Variants in OPN5 observed in about 807,000 individuals in gnomAD.
OPN5 encodes opsin-5.
A neutral mutation model predicts 41.7 loss-of-function variants in OPN5; 18 were observed. That is an observed-to-expected ratio of 0.43 (90% CI 0.30 to 0.64). The LOEUF (loss-of-function observed/expected upper bound fraction) is 0.64. Among genes scored for constraint, OPN5 ranks in the 30% least tolerant of loss-of-function variants. OPN5 has a pLI of 0.13. For synonymous variants in OPN5, 178 were observed against 164.3 expected, an observed-to-expected ratio of 1.08 and a Z score of -0.64; for missense variants, 318 against 434.5, an observed-to-expected ratio of 0.73 and a Z score of 2.38.
At chr6:47,794,211 A>G (rs1042338517) in intron 3 of OPN5, among the ~76,000 whole-genome samples, 1 of 152,240 alleles carries the variant, frequency 6.6e-6, no homozygotes, top group Non-Finnish European at 1.5e-5. Flanking sequence ...CCGACTTTCC[A>G]AACCTCACAT....
At chr6:47,825,671 T>C (rs990131444), downstream of OPN5, 3 of 152,246 alleles carry the variant, frequency 2.0e-5, no homozygotes, top group Non-Finnish European at 2.9e-5. Flanking sequence ...TGGTTGATTT[T>C]GACTGTAGTA....
downstream of OPN5, chr6:47,825,677 T>G (rs1312597507): frequency 6.6e-6 from 1 of 152,218 alleles, no homozygotes; most frequent in Non-Finnish European, 1.5e-5. Flanking sequence ...ATTTTGACTG[T>G]AGTAGCACAT....
chr6:47,812,982 G>A (rs1048685971), intron 6 of OPN5, among the ~76,000 whole-genome samples: 1 of 152,058 alleles, frequency 6.6e-6, no homozygotes, highest in African/African-American at 2.4e-5. Flanking sequence ...TTGTCAGTCA[G>A]GGGTGTGGGA....
Position 47,793,496 on chromosome 6 carries a change from C to T in OPN5, c.421+1524C>T, listed in dbSNP as rs563207152. Among the ~76,000 whole-genome samples, 85 of 152,290 alleles carry T rather than the reference C, an allele frequency of 5.6e-4. 1 individual carries two copies. The South Asian group carries it at 0.017, about 30-fold the overall frequency. The stretch of plus-strand genomic sequence containing the variant: ...ATGTGTAGACTTTTCTCCCATGTAA[C>T]GTGGTAAACTGTTTTAAGGCATCCC... On this transcript the variant is annotated intron_variant, in intron 3 of 6. Transcript: ENST00000371211.
intron 6 of OPN5, among the ~76,000 whole-genome samples, chr6:47,814,192 G>C (rs1479680937): frequency 2.6e-5 from 4 of 151,836 alleles, no homozygotes; most frequent in Non-Finnish European, 4.4e-5. Flanking sequence ...TCTTTTGTGT[G>C]GGGGGATGAT....
At chr6:47,804,786 A>G (rs1174419662) in intron 4 of OPN5, among the ~76,000 whole-genome samples, 4 of 152,192 alleles carry the variant, frequency 2.6e-5, no homozygotes. Flanking sequence ...ACAGTGATTC[A>G]TTTGCTATGT....
At chr6:47,784,455 C>T (rs1773151856) in intron 1 of OPN5, among the ~76,000 whole-genome samples, 1 of 152,148 alleles carries the variant, frequency 6.6e-6, no homozygotes, top group Non-Finnish European at 1.5e-5. Flanking sequence ...CACCACCATG[C>T]TTGGCTAATT....
At chr6:47,810,647 G>A in intron 5 of OPN5, among the ~76,000 whole-genome samples, 1 of 152,164 alleles carries the variant, frequency 6.6e-6, no homozygotes, top group East Asian at 1.9e-4. Context: ...TTGAATATGG[G>A]ATTGTGGAAA....
At chr6:47,819,872 A>C (rs1234065294) in intron 6 of OPN5, among the ~76,000 whole-genome samples, 1 of 152,212 alleles carries the variant, frequency 6.6e-6, no homozygotes, top group Non-Finnish European at 1.5e-5. Flanking sequence ...TAAAAGGTTG[A>C]AACTTGAGTT....
At chr6:47,809,849 T>G (rs555533794) in intron 5 of OPN5, among the ~76,000 whole-genome samples, 2 of 152,264 alleles carry the variant, frequency 1.3e-5, no homozygotes, top group South Asian at 4.1e-4. Flanking sequence ...AGAGAATAAT[T>G]TTAATAGAGC....
intron 4 of OPN5, among the ~76,000 whole-genome samples, chr6:47,801,798 C>A (rs550323762): frequency 1.7e-5 from 2 of 118,920 alleles, no homozygotes; most frequent in Non-Finnish European, 3.6e-5. Context: ...GAGACCTGAG[C>A]GGGTAACAAC....
At chr6:47,809,599 G>A (rs571530747) in intron 5 of OPN5, among the ~76,000 whole-genome samples, 14 of 152,246 alleles carry the variant, frequency 9.2e-5, no homozygotes, top group Admixed American at 9.2e-4. Context: ...TAACTACATA[G>A]AGCCTAGAAT....
At chr6:47,808,510 G>C in intron 5 of OPN5, 115 bp downstream of exon 5, 1 of 1,102,564 alleles carries the variant, frequency 9.1e-7, no homozygotes, top group Non-Finnish European at 1.3e-6. Context: ...CCTAGGAGTA[G>C]TGTAGGAAGG....
intron 6 of OPN5, chr6:47,811,938 C>T: frequency 2.6e-6 from 1 of 389,938 alleles, no homozygotes; most frequent in Non-Finnish European, 4.6e-6. Flanking sequence ...GGAATATTAT[C>T]AGGATGAGCG....
At chr6:47,794,352 G>A (rs1292078340) in intron 3 of OPN5, among the ~76,000 whole-genome samples, 1 of 152,148 alleles carries the variant, frequency 6.6e-6, no homozygotes, top group South Asian at 2.1e-4. Flanking sequence ...GGCCCTCTTC[G>A]TTCGAGGTGA....
chr6:47,822,126 A>C (rs1478640130), intron 6 of OPN5, among the ~76,000 whole-genome samples: 2 of 151,682 alleles, frequency 1.3e-5, no homozygotes, highest in East Asian at 3.9e-4. Context: ...AAAAAAAAAA[A>C]AATGCAGGTG....
chr6:47,822,634 A>G (rs188745736), intron 6 of OPN5, among the ~76,000 whole-genome samples: 2 of 152,318 alleles, frequency 1.3e-5, no homozygotes, highest in Non-Finnish European at 2.9e-5. Flanking sequence ...GCTGGTATGT[A>G]ACAGGGTGTA....
At chr6:47,797,233 T>A (rs571295513) in intron 4 of OPN5, among the ~76,000 whole-genome samples, 1 of 152,282 alleles carries the variant, frequency 6.6e-6, no homozygotes, top group East Asian at 1.9e-4. Context: ...AAACTCTACA[T>A]GCCAAGTAGA....
Position 47,819,354 on chromosome 6 carries a change from A to ATATATATATATATATATAAATATATAT in OPN5, c.1057-4629_1057-4628insTATATATATATATATATAAATATATAT, listed in dbSNP as rs1389298718. Among the ~76,000 whole-genome samples, 144 of 59,022 alleles carry ATATATATATATATATATAAATATATAT rather than the reference A, an allele frequency of 2.4e-3. 20 individuals are homozygous for ATATATATATATATATATAAATATATAT. Among genetic ancestry groups the ATATATATATATATATATAAATATATAT allele is most frequent in the Non-Finnish European group, 3.8e-3 (108 of 28,336 alleles). The allele number at this position is 59,022 out of a possible 152,430, so 38.7% of individuals were successfully genotyped here. A position where few individuals can be genotyped will look rare whatever the true frequency, so the allele number is the denominator to read the frequency against. On this transcript the variant is annotated intron_variant, in intron 6 of 6. Transcript: ENST00000371211. ...AATTAGGAATATATATATATATATAAAAAATATATTACCGTATAAGTAGAA... is the reference window on the plus strand; with the variant it reads ...AATTAGGAATATATATATATATATAATATATATATATATATATAAATATATATAAAATATATTACCGTATAAGTAGAA...
Sources: allele counts gnomAD v4.1 joint callset (sites outside exome capture counted in the v4.1 genomes callset), GRCh38; gene constraint gnomAD v4.1.1; transcripts MANE v1.5; gene names NCBI Gene and HGNC (gene_info 2026-07-23, HGNC 2026-07-21).